The following SPATA13 variants were observed in gnomAD, a reference collection of about 807,000 sequenced individuals.
The protein encoded by SPATA13 is spermatogenesis associated 13.
SPATA13 carries 50 observed loss-of-function variants against 104.0 expected under a neutral mutation model. The observed-to-expected ratio is 0.48, with a 90% confidence interval of 0.38 to 0.61. SPATA13 has a LOEUF of 0.61. SPATA13 is among the 20% of genes least tolerant of loss of function. The probability of loss-of-function intolerance (pLI) is 0.00; values close to 1 mark genes in which losing one functional copy is unlikely to be tolerated. For synonymous variants in SPATA13, 606 were observed against 667.5 expected (o/e 0.91, Z 1.42); for missense variants, 1,524 against 1,690.6 (o/e 0.90, Z 1.73).
chr13:24,064,460 C>T (rs1023452595), intron 3 of SPATA13, among the ~76,000 whole-genome samples: 1 of 152,002 alleles, frequency 6.6e-6, no homozygotes, highest in Non-Finnish European at 1.5e-5. Context: ...GGAGGTGAGG[C>T]GCTTGGGAGG....
intron 2 of SPATA13, among the ~76,000 whole-genome samples, chr13:23,999,144 C>T (rs1385664946): frequency 6.6e-6 from 1 of 151,966 alleles, no homozygotes; most frequent in African/African-American, 2.4e-5. Context: ...CCAGGCTGGT[C>T]TCGAACTCCT....
At chr13:24,188,075 T>C (rs1269874758) in intron 1 of SPATA13, among the ~76,000 whole-genome samples, 4 of 152,204 alleles carry the variant, frequency 2.6e-5, no homozygotes, top group Non-Finnish European at 4.4e-5. Flanking sequence ...GCGTGGTGGC[T>C]CATGCCTGTA....
chr13:24,253,495 C>T (rs894340493), intron 4 of SPATA13, among the ~76,000 whole-genome samples: 1 of 152,146 alleles, frequency 6.6e-6, no homozygotes, highest in Non-Finnish European at 1.5e-5. Context: ...GCAACACATC[C>T]CTACCAGAAT....
At chr13:24,004,708 A>T (rs12429015) in intron 2 of SPATA13, among the ~76,000 whole-genome samples, 3 of 152,192 alleles carry the variant, frequency 2.0e-5, no homozygotes, top group Middle Eastern at 3.4e-3. Flanking sequence ...GAAAATTTAC[A>T]TTCCATACGA....
chr13:24,033,876 A>C (rs935249841), intron 3 of SPATA13: 1 of 152,220 alleles, frequency 6.6e-6, no homozygotes, highest in Non-Finnish European at 1.5e-5. Context: ...ATTAGAGCTT[A>C]TTTGGCTTTT....
chr13:24,122,955 G>T, intron 3 of SPATA13: 1 of 783,130 alleles, frequency 1.3e-6, no homozygotes, highest in Non-Finnish European at 2.4e-6. Context: ...AAGCGTGTCA[G>T]GTGTATTCAG....
intron 2 of SPATA13, among the ~76,000 whole-genome samples, chr13:24,002,746 C>G (rs996343578): frequency 2.0e-5 from 3 of 152,106 alleles, no homozygotes; most frequent in African/African-American, 7.2e-5. Context: ...CTGGCTGTAC[C>G]CTCTGATGGA....
At chr13:24,000,609 G>T (rs575821123) in intron 2 of SPATA13, among the ~76,000 whole-genome samples, 1 of 152,276 alleles carries the variant, frequency 6.6e-6, no homozygotes, top group South Asian at 2.1e-4. Flanking sequence ...TGGAGAAGAC[G>T]GCCCAAGAAG....
chr13:24,229,390 C>T (rs368124982), intron 2 of SPATA13, among the ~76,000 whole-genome samples: 22 of 152,278 alleles, frequency 1.4e-4, no homozygotes, highest in Non-Finnish European at 2.4e-4. Flanking sequence ...CCCTGGCAAC[C>T]GGGGCAAACT....
intron 1 of SPATA13, among the ~76,000 whole-genome samples, chr13:24,199,089 A>G (rs968189172): frequency 4.2e-4 from 63 of 151,788 alleles, no homozygotes; most frequent in African/African-American, 1.5e-3. Flanking sequence ...GGATTTTATC[A>G]TGTTGCTCAG....
chr13:24,229,953 C>T (rs555278996), intron 2 of SPATA13, among the ~76,000 whole-genome samples: 2 of 152,302 alleles, frequency 1.3e-5, no homozygotes, highest in East Asian at 3.9e-4. Flanking sequence ...AGAGGACTTG[C>T]AGTTCTCACC....
intron 2 of SPATA13, among the ~76,000 whole-genome samples, chr13:24,014,543 A>G (rs1289547030): frequency 1.3e-5 from 2 of 152,234 alleles, no homozygotes; most frequent in East Asian, 3.8e-4. Flanking sequence ...GCTAGAGAAA[A>G]TAATATTTGA....
At chr13:24,238,056 A>G (rs560566600) in intron 2 of SPATA13, among the ~76,000 whole-genome samples, 265 of 148,202 alleles carry the variant, frequency 1.8e-3, no homozygotes, top group Non-Finnish European at 3.3e-3. Flanking sequence ...CTGTAGGTTA[A>G]GGGCATGTTT....
At chr13:24,201,853 G>C (rs1192642471) in intron 1 of SPATA13, among the ~76,000 whole-genome samples, 1 of 152,096 alleles carries the variant, frequency 6.6e-6, no homozygotes, top group Non-Finnish European at 1.5e-5. Context: ...TGCTTCACCT[G>C]TTCACTTCTC....
At chr13:24,020,125 C>T (rs1360135699) in intron 3 of SPATA13, among the ~76,000 whole-genome samples, 2 of 152,178 alleles carry the variant, frequency 1.3e-5, no homozygotes, top group Non-Finnish European at 2.9e-5. Context: ...TACAGCTTCT[C>T]CCTGTTGGCA....
chr13:24,072,223 A>C (rs962304856), intron 3 of SPATA13, among the ~76,000 whole-genome samples: 2 of 152,212 alleles, frequency 1.3e-5, no homozygotes, highest in Non-Finnish European at 2.9e-5. Context: ...TGTAGAATCA[A>C]TGCTGAAAAT....
At chr13:24,210,766 G>GTTT (rs58789886) in intron 1 of SPATA13, among the ~76,000 whole-genome samples, 1,786 of 137,432 alleles carry the variant, frequency 0.013, 52 homozygotes, top group African/African-American at 0.038. Context: ...GAATTTTAGG[G>GTTT]TTTTTTTTTT....
chr13:24,205,863 C>T lies in SPATA13; in HGVS notation c.-111-16956C>T, dbSNP rs1015036743. Reference sequence around the variant, plus strand: ...GATACCCTATTTAATAAATGGTGCTCGGAGAACAAGCTAGCAGAAAATTGA... The same window carrying T: ...GATACCCTATTTAATAAATGGTGCTTGGAGAACAAGCTAGCAGAAAATTGA... On this transcript the variant is annotated intron_variant, in intron 1 of 12. Transcript: ENST00000382108. This position sits in a 1 kb window ranked among gnomAD's most constrained non-coding sequence, Gnocchi z 4.1. 3.3e-5 allele frequency among the ~76,000 whole-genome samples: 5 copies of T among 151,894 alleles called. No homozygotes were observed. The highest frequency in any genetic ancestry group is 9.7e-5 in the African/African-American group (4 of 41,352).
upstream of SPATA13, among the ~76,000 whole-genome samples, chr13:24,158,741 A>G (rs547775149): frequency 9.3e-4 from 141 of 152,362 alleles, no homozygotes; most frequent in Non-Finnish European, 1.5e-3. Context: ...AGAGTCTTAC[A>G]TGGGCTAAAG....
Sources: allele counts gnomAD v4.1 joint callset (sites outside exome capture counted in the v4.1 genomes callset), GRCh38; gene constraint gnomAD v4.1.1; non-coding constraint Gnocchi (gnomAD v3.1); transcripts MANE v1.5; gene names NCBI Gene and HGNC (gene_info 2026-07-23, HGNC 2026-07-21).